Variants in DNTTIP2 observed in about 807,000 individuals in gnomAD.
The protein encoded by DNTTIP2 is deoxynucleotidyltransferase terminal-interacting protein 2.
In DNTTIP2, 47 loss-of-function variants were observed where a neutral mutation model predicts 62.4. The ratio of observed to expected loss-of-function variants is 0.75; its 90% CI spans 0.60 to 0.96. The LOEUF (loss-of-function observed/expected upper bound fraction) is 0.96, where lower values mean the gene tolerates loss of function less well. Ranked by LOEUF, DNTTIP2 falls within the 40% of genes least tolerant of loss-of-function variation. The probability of loss-of-function intolerance (pLI) is 0.00; values close to 1 mark genes in which losing one functional copy is unlikely to be tolerated. For missense variants in DNTTIP2, 870 were observed against 849.1 expected, an observed-to-expected ratio of 1.02 and a Z score of -0.31; for synonymous variants, 322 against 300.9, an observed-to-expected ratio of 1.07 and a Z score of -0.73.
intron 3 of DNTTIP2, among the ~76,000 whole-genome samples, chr1:93,874,113 T>C (rs527533392): frequency 1.2e-4 from 19 of 152,312 alleles, no homozygotes; most frequent in African/African-American, 4.6e-4. Flanking sequence ...AAAGGGGGCA[T>C]GATATTTACT....
In DNTTIP2 at chr1:93,877,704, C is replaced by T; in HGVS notation, c.231G>A (p.Lys77=). ...RKSRTTGSLP[K]GTEPSTDGET... Reference sequence around the variant, plus strand: ...CTCCATCCGTAGATGGTTCAGTCCCCTTTGGTAGTGAGCCTGTAGTTCTGC... The same window carrying T: ...CTCCATCCGTAGATGGTTCAGTCCCTTTTGGTAGTGAGCCTGTAGTTCTGC... The change falls in exon 2 of 7, where the codon AAG becomes AAA. Residue 77 remains lysine, a synonymous_variant. Transcript: ENST00000436063. 2 of 1,613,948 alleles carry T rather than the reference C, an allele frequency of 1.2e-6. No homozygotes were observed. Among genetic ancestry groups the T allele is most frequent in the Non-Finnish European group, 1.7e-6 (2 of 1,179,884 alleles).
At chr1:93,878,547 C>T (rs187540091) in intron 1 of DNTTIP2, 12 of 155,194 alleles carry the variant, frequency 7.7e-5, no homozygotes, top group African/African-American at 2.9e-4. Context: ...GCCGCCCTTA[C>T]CTTTACGTAC....
intron 3 of DNTTIP2, among the ~76,000 whole-genome samples, chr1:93,875,103 A>G (rs1655965640): frequency 6.6e-6 from 1 of 152,226 alleles, no homozygotes; most frequent in Admixed American, 6.5e-5. Flanking sequence ...ATCTAAATGA[A>G]CAAATAGGTA....
chr1:93,878,607 G>A (rs980731112), intron 1 of DNTTIP2: 3 of 155,546 alleles, frequency 1.9e-5, no homozygotes, highest in African/African-American at 7.2e-5. Context: ...GTCAGAATGA[G>A]ACAGCCGACT....
rs759726997 is a variant in DNTTIP2 at position 93,879,087 on chromosome 1, G to A, written c.62C>T (p.Ser21Phe). The A allele has an allele frequency of 1.9e-6, 3 of 1,613,740 alleles. No individual in the cohort carries two copies. In the South Asian group the frequency reaches 3.3e-5, roughly 18 times the overall value. ...ASIQAASAES[S>F]GQKSFAANGI... is the part of the protein sequence containing the mutation. ...GACTGGATTTCCTACCTTTTGCCCG[G>A]AACTTTCAGCCGACGCGGCTTGGAT... is the stretch of plus-strand genomic sequence containing the variant. Residue 21 changes from serine to phenylalanine, a missense_variant, in exon 1 of 7, where the codon TCC becomes TTC. Physicochemically the swap from Ser to Phe is radical, Grantham distance 155 (BLOSUM62 -2). Coordinates refer to ENST00000436063, the MANE Select transcript of DNTTIP2 (RefSeq NM_014597.5).
Position 93,877,673 on chromosome 1 carries a change from A to T in DNTTIP2, c.262T>A (p.Ser88Thr). The T allele has an allele frequency of 6.2e-7, 1 of 1,613,936 alleles. No individual in the cohort carries two copies. Among genetic ancestry groups the T allele is most frequent in the Non-Finnish European group, 8.5e-7 (1 of 1,179,876 alleles). The change falls in exon 2 of 7, where the codon TCT (serine) becomes ACT (threonine). Residue 88 changes from serine (S) to threonine (T), a missense_variant. Transcript: ENST00000436063. ...ACAGAATAATTTGACTCTGCCTCAGAGGTTTCTCCATCCGTAGATGGTTCA... is the reference window on the plus strand; with the variant it reads ...ACAGAATAATTTGACTCTGCCTCAGTGGTTTCTCCATCCGTAGATGGTTCA... ...GTEPSTDGET[S>T]EAESNYSVSE...
rs1459913276 is a variant in DNTTIP2, at chr1:93,867,129, G to C, written c.*2722C>G. 1 of 128,080 alleles carries C rather than the reference G, an allele frequency of 7.8e-6. No homozygotes were observed. Among genetic ancestry groups the C allele is most frequent in the East Asian group, 2.4e-4 (1 of 4,210 alleles). The allele number at this position is 128,080 out of a possible 1,614,324, so 7.9% of individuals were successfully genotyped here. Reference sequence around the variant, plus strand: ...TACACTCCAGCCTGGGCGACAGAGCGAGAGTCCGTCTCTCAAAAAAAAAAA... The same window carrying C: ...TACACTCCAGCCTGGGCGACAGAGCCAGAGTCCGTCTCTCAAAAAAAAAAA... On this transcript the variant is annotated 3_prime_UTR_variant, in exon 7 of 7. Coordinates refer to ENST00000436063, the MANE Select transcript of DNTTIP2 (RefSeq NM_014597.5).
At chr1:93,872,374 G>A (rs1571182991) in intron 4 of DNTTIP2, 138 bp from the exon 5 acceptor site, 2 of 780,932 alleles carry the variant, frequency 2.6e-6, no homozygotes, top group Admixed American at 3.1e-5. Context: ...CTTAAATCCA[G>A]AATCATAGAG....
intron 3 of DNTTIP2, among the ~76,000 whole-genome samples, chr1:93,873,766 T>G (rs1186707952): frequency 6.6e-6 from 1 of 152,234 alleles, no homozygotes; most frequent in East Asian, 1.9e-4. Context: ...ACGCCATTTC[T>G]CCAAAATAAA....
At position 93,875,635 on chromosome 1, in the gene DNTTIP2, A is replaced by G; in HGVS notation, c.1806+10T>C. 1 of 1,605,914 alleles carries G rather than the reference A, an allele frequency of 6.2e-7. No individual in the cohort carries two copies. Among genetic ancestry groups the G allele is most frequent in the African/African-American group, 1.3e-5 (1 of 74,602 alleles). ...AGTTCTGTGAAAACCTAACAGCACA[A>G]TTAACTTACCTCATTTTTCTTTTTC... is the stretch of plus-strand genomic sequence containing the variant. On this transcript the variant is annotated intron_variant, in intron 3 of 6. Coordinates refer to ENST00000436063, the MANE Select transcript of DNTTIP2 (RefSeq NM_014597.5).
chr1:93,874,295 C>T (rs114089083), intron 3 of DNTTIP2, among the ~76,000 whole-genome samples: 1,532 of 152,146 alleles, frequency 0.01, 19 homozygotes, highest in Non-Finnish European at 0.012. Flanking sequence ...GTTAAACATC[C>T]TACTATGCAC....
rs200375560 is a variant in DNTTIP2 at position 93,876,647 on chromosome 1, C to G, written c.1288G>C (p.Ala430Pro). 376 of 1,614,040 alleles carry G rather than the reference C, an allele frequency of 2.3e-4. 2 individuals carry two copies. The African/African-American group carries it at 4.2e-3, about 18-fold the overall frequency. Residue 430 changes from alanine to proline, a missense_variant, in exon 2 of 7, where the codon GCG (alanine) becomes CCG (proline). Physicochemically the swap from Ala to Pro is conservative, Grantham distance 27 (BLOSUM62 -1). Transcript: ENST00000436063. ...FECDTKLYTS[A>P]PNTSQGKDNS... The stretch of plus-strand genomic sequence containing the variant: ...TCTTTACCCTGAGATGTGTTGGGCG[C>G]AGACGTGTATAGTTTGGTATCACAT...
intron 6 of DNTTIP2, among the ~76,000 whole-genome samples, chr1:93,870,466 GTA>G (rs1038096655): frequency 1.3e-5 from 2 of 152,082 alleles, no homozygotes; most frequent in African/African-American, 4.8e-5. Flanking sequence ...GCTACGTGAT[GTA>G]TGTTATCTGC....
chr1:93,874,970 C>G, intron 3 of DNTTIP2, among the ~76,000 whole-genome samples: 1 of 152,114 alleles, frequency 6.6e-6, no homozygotes, highest in East Asian at 1.9e-4. Flanking sequence ...CCCCTAGAGG[C>G]TTGGTGACTG....
In DNTTIP2 at chr1:93,867,537, T is replaced by C. The variant is rs981459876; in HGVS notation, c.*2314A>G. 2 of 148,568 alleles carry C rather than the reference T, an allele frequency of 1.3e-5. No individual in the cohort carries two copies. The highest frequency in any genetic ancestry group is 5.0e-5 in the African/African-American group (2 of 39,812). The allele number at this position is 148,568 out of a possible 1,614,324, so 9.2% of individuals were successfully genotyped here. A position where few individuals can be genotyped will look rare whatever the true frequency, so the allele number is the denominator to read the frequency against. ...AGGCGGAGGTTGCAGTGAGCTGAGA[T>C]GGCACCACTGCACTCCAACCTGGGT... On this transcript the variant is annotated 3_prime_UTR_variant, in exon 7 of 7. Transcript: ENST00000436063.
At chr1:93,876,191 CA>C in intron 2 of DNTTIP2, 76 bp downstream of exon 2, 1 of 1,142,764 alleles carries the variant, frequency 8.8e-7, no homozygotes, top group Non-Finnish European at 1.1e-6. Context: ...CCCAGGCTAA[CA>C]TTTCATATTT....
chr1:93,874,366 C>T lies in DNTTIP2; in HGVS notation c.1807-1152G>A, dbSNP rs1655945427. 3.3e-5 allele frequency among the ~76,000 whole-genome samples: 5 copies of T among 152,112 alleles called. No homozygotes were observed. In the South Asian group the frequency reaches 1.0e-3, roughly 32 times the overall value. ...ATCAGTAGTGCTGAGACTGAAAAAC[C>T]CTGTTTTAGGAATATAAAGAAAAGA... is the stretch of plus-strand genomic sequence containing the variant. On this transcript the variant is annotated intron_variant, in intron 3 of 6. Transcript: ENST00000436063.
Position 93,877,399 on chromosome 1 carries a change from TGA to T in DNTTIP2, c.534_535del (p.His179TyrfsTer6). ...CTCAGCATCAGATATAGCTTCTGTA[TGA>T]GATTCTTGGCTTGGATCTGTCAGAG... On this transcript the variant is annotated frameshift_variant, in exon 2 of 7. Transcript: ENST00000436063. LOFTEE classifies it high-confidence loss of function. The T allele has an allele frequency of 6.2e-7, 1 of 1,612,768 alleles. No homozygotes were observed. The highest frequency in any genetic ancestry group is 1.1e-5 in the South Asian group (1 of 91,056).
At chr1:93,873,560 C>T (rs1212450308) in intron 3 of DNTTIP2, among the ~76,000 whole-genome samples, 2 of 150,732 alleles carry the variant, frequency 1.3e-5, no homozygotes, top group Non-Finnish European at 3.0e-5. Context: ...TATGACTGTG[C>T]CACTCACTCC....
Sources: allele counts gnomAD v4.1 joint callset (sites outside exome capture counted in the v4.1 genomes callset), GRCh38; gene constraint gnomAD v4.1.1; transcripts MANE v1.5; gene names NCBI Gene and HGNC (gene_info 2026-07-23, HGNC 2026-07-21).